Variants in OXNAD1 observed in about 807,000 individuals in gnomAD.
OXNAD1 encodes the protein oxidoreductase NAD-binding domain-containing protein 1.
A neutral mutation model predicts 32.9 loss-of-function variants in OXNAD1; 34 were observed. The observed-to-expected ratio is 1.03, with a 90% CI of 0.79 to 1.38. The LOEUF is 1.38. Ranked by LOEUF, OXNAD1 falls within the 40% of genes most tolerant of loss-of-function variation. The pLI is 0.00. For synonymous variants in OXNAD1, 134 were observed against 135.2 expected, an observed-to-expected ratio of 0.99 and a Z score of 0.06; for missense variants, 407 against 379.4, an observed-to-expected ratio of 1.07 and a Z score of -0.60.
Position 16,294,903 on chromosome 3 carries a change from T to C in OXNAD1, c.338T>C (p.Ile113Thr). ...GTCTCTGTGGTTGGTGGGTTTTCAATATGCTCCAGTCCCAGACTGCTAGAA... is the reference window on the plus strand; with the variant it reads ...GTCTCTGTGGTTGGTGGGTTTTCAACATGCTCCAGTCCCAGACTGCTAGAA... ...PGVSVVGGFS[I>T]CSSPRLLEQE... The change falls in exon 6 of 9, where the codon ATA (isoleucine) becomes ACA (threonine). Residue 113 changes from isoleucine (I) to threonine (T), a missense_variant. Ile to Thr is a moderately conservative substitution (Grantham distance 89). Transcript: ENST00000285083. The C allele has an allele frequency of 6.2e-7, 1 of 1,613,794 alleles. No individual in the cohort carries two copies. The highest frequency in any genetic ancestry group is 8.5e-7 in the Non-Finnish European group (1 of 1,179,778).
At chr3:16,285,677 G>A (rs534212698) in intron 4 of OXNAD1, among the ~76,000 whole-genome samples, 47 of 152,296 alleles carry the variant, frequency 3.1e-4, no homozygotes, top group Admixed American at 9.1e-4. Context: ...CAAATTATCT[G>A]TAGGGAAGGG....
At chr3:16,267,284 C>T (rs2064592623) in intron 1 of OXNAD1, among the ~76,000 whole-genome samples, 1 of 152,118 alleles carries the variant, frequency 6.6e-6, no homozygotes, top group African/African-American at 2.4e-5. Flanking sequence ...CCACTCCTGC[C>T]CCTCTCCCTC....
At chr3:16,269,048 T>C in intron 1 of OXNAD1, 78 bp from the exon 2 acceptor site, 1 of 1,300,360 alleles carries the variant, frequency 7.7e-7, no homozygotes, top group East Asian at 2.9e-5. Flanking sequence ...AATGAGCCTT[T>C]CCTTTGGCAG....
Position 16,285,312 on chromosome 3 carries a change from C to G in OXNAD1, c.184-1030C>G, listed in dbSNP as rs183044296. 6.8e-3 allele frequency among the ~76,000 whole-genome samples: 1,030 copies of G among 152,278 alleles called. 8 individuals are homozygous for G. Among genetic ancestry groups the G allele is most frequent in the Non-Finnish European group, 0.01 (688 of 68,028 alleles). On this transcript the variant is annotated intron_variant, in intron 4 of 8. Coordinates refer to ENST00000285083, the MANE Select transcript of OXNAD1 (RefSeq NM_138381.5). ...TGCATGAGCTAGCATTAGGATGGGA[C>G]GTTCATTGACCTTGACAGATTTCCA...
At chr3:16,338,689 T>C (rs554151794), downstream of OXNAD1, among the ~76,000 whole-genome samples, 1 of 152,380 alleles carries the variant, frequency 6.6e-6, no homozygotes, top group South Asian at 2.1e-4. This position sits in a 1 kb window ranked among gnomAD's most constrained non-coding sequence, Gnocchi z 5.3. Context: ...TTTATTACTC[T>C]CTTTAGACTA....
chr3:16,269,979 G>A (rs1013653251), intron 2 of OXNAD1, among the ~76,000 whole-genome samples: 1 of 152,192 alleles, frequency 6.6e-6, no homozygotes, highest in Non-Finnish European at 1.5e-5. Context: ...AATATCATCT[G>A]ACTCCTAATC....
chr3:16,290,633 G>A lies in OXNAD1; in HGVS notation c.290+4185G>A, dbSNP rs1000898384. Reference sequence around the variant, plus strand: ...AGCAACTGTGTTAACAAATGCTAACGATAGTCTTTTAAATTTTTATCTTGT... The same window carrying A: ...AGCAACTGTGTTAACAAATGCTAACAATAGTCTTTTAAATTTTTATCTTGT... On this transcript the variant is annotated intron_variant, in intron 5 of 8. Transcript: ENST00000285083. This position sits in a 1 kb window ranked among gnomAD's most constrained non-coding sequence, Gnocchi z 4.2. 1.3e-5 allele frequency among the ~76,000 whole-genome samples: 2 copies of A among 152,198 alleles called. No individual in the cohort carries two copies. Among genetic ancestry groups the A allele is most frequent in the African/African-American group, 2.4e-5 (1 of 41,442 alleles).
chr3:16,292,414 A>C (rs1034695027), intron 5 of OXNAD1, among the ~76,000 whole-genome samples: 6 of 152,076 alleles, frequency 3.9e-5, no homozygotes, highest in Admixed American at 3.9e-4. Context: ...GCTGGTCTCG[A>C]ACTCCTGACC....
intron 2 of OXNAD1, among the ~76,000 whole-genome samples, chr3:16,269,986 A>C (rs1460875448): frequency 6.6e-6 from 1 of 152,240 alleles, no homozygotes; most frequent in Non-Finnish European, 1.5e-5. Context: ...TCTGACTCCT[A>C]ATCAGTGCTT....
rs774600242 is a variant in OXNAD1, at chr3:16,286,405, T to C, written c.247T>C (p.Leu83=). The change falls in exon 5 of 9, where the codon TTG becomes CTG. Residue 83 remains leucine (L), a synonymous_variant. Transcript: ENST00000285083. ...GTCACCGTCAGTGAAGAGCCTCCGC[T>C]TGCTTGTTGCTGATCAAGACTTTTC... ...SESPSVKSLR[L]LVADQDFSFK... The C allele has an allele frequency of 2.5e-6, 4 of 1,613,942 alleles. No individual in the cohort carries two copies. The South Asian group carries it at 3.3e-5, about 13-fold the overall frequency.
Position 16,301,573 on chromosome 3 carries a change from G to C in OXNAD1, c.433-53G>C. On this transcript the variant is annotated intron_variant, in intron 6 of 8. Coordinates refer to ENST00000285083, the MANE Select transcript of OXNAD1 (RefSeq NM_138381.5). The surrounding 1 kb of genome is among the most constrained non-coding windows in gnomAD (Gnocchi z 4.1). ...CCAGTTTTATTAAAGTAGAACATTT[G>C]GTTTAAGACCTTTGCTACAAAAGAC... 6.3e-7 allele frequency: 1 copy of C among 1,592,220 alleles called. No homozygotes were observed. Among genetic ancestry groups the C allele is most frequent in the South Asian group, 1.1e-5 (1 of 89,142 alleles).
rs1240720804 is a variant in OXNAD1, at chr3:16,284,276, CAA to C, written c.184-2064_184-2063del. Among the ~76,000 whole-genome samples, 1 of 152,132 alleles carries C rather than the reference CAA, an allele frequency of 6.6e-6. No homozygotes were observed. Among genetic ancestry groups the C allele is most frequent in the Non-Finnish European group, 1.5e-5 (1 of 68,024 alleles). ...AATAAAATGTAATATATAATGTAAA[CAA>C]ATGCTAATTAATTTTAATTAAGACA... On this transcript the variant is annotated intron_variant, in intron 4 of 8. Transcript: ENST00000285083. This position sits in a 1 kb window ranked among gnomAD's most constrained non-coding sequence, Gnocchi z 4.1.
At chr3:16,324,713 T>TTCTC (rs10677895) in intron 9 of OXNAD1, among the ~76,000 whole-genome samples, 1 of 144,608 alleles carries the variant, frequency 6.9e-6, no homozygotes, top group Admixed American at 7.0e-5. Context: ...CACATTTTCT[T>TTCTC]CATCCATCTG....
Position 16,287,458 on chromosome 3 carries a change from C to T in OXNAD1, c.290+1010C>T, listed in dbSNP as rs1327327170. Among the ~76,000 whole-genome samples, 1 of 152,202 alleles carries T rather than the reference C, an allele frequency of 6.6e-6. No homozygotes were observed. On this transcript the variant is annotated intron_variant, in intron 5 of 8. Coordinates refer to ENST00000285083, the MANE Select transcript of OXNAD1 (RefSeq NM_138381.5). The surrounding 1 kb of genome is among the most constrained non-coding windows in gnomAD (Gnocchi z 4.8). Reference sequence around the variant, plus strand: ...GAAGCAATTTACTGCAATCTTTGCACATGTTCGATGATACACATTAAATGC... The same window carrying T: ...GAAGCAATTTACTGCAATCTTTGCATATGTTCGATGATACACATTAAATGC...
Position 16,273,705 on chromosome 3 carries a change from C to G in OXNAD1, c.183+1983C>G, listed in dbSNP as rs564264323. Among the ~76,000 whole-genome samples, 4 of 152,226 alleles carry G rather than the reference C, an allele frequency of 2.6e-5. No homozygotes were observed. In the South Asian group the frequency reaches 6.2e-4, roughly 24 times the overall value. Reference sequence around the variant, plus strand: ...CACCTGGCCAGTATTTTCTTTTTAACAGATGAAAAGACTAAGAATCGGACT... The same window carrying G: ...CACCTGGCCAGTATTTTCTTTTTAAGAGATGAAAAGACTAAGAATCGGACT... On this transcript the variant is annotated intron_variant, in intron 4 of 8. Coordinates refer to ENST00000285083, the MANE Select transcript of OXNAD1 (RefSeq NM_138381.5).
chr3:16,276,928 T>TC (rs1201750752), intron 4 of OXNAD1, among the ~76,000 whole-genome samples: 5 of 137,218 alleles, frequency 3.6e-5, no homozygotes, highest in African/African-American at 1.3e-4. Flanking sequence ...TTTCTTTCTT[T>TC]TTTTTTTTTT....
downstream of OXNAD1, among the ~76,000 whole-genome samples, chr3:16,340,791 A>G (rs1267130911): frequency 6.6e-6 from 1 of 152,218 alleles, no homozygotes; most frequent in African/African-American, 2.4e-5. Flanking sequence ...TTCAAGGTGA[A>G]GTCAAAGGTG....
intron 9 of OXNAD1, among the ~76,000 whole-genome samples, chr3:16,324,186 G>A (rs1418650956): frequency 2.0e-5 from 3 of 152,058 alleles, no homozygotes; most frequent in African/African-American, 7.2e-5. Context: ...TATATTTATG[G>A]GGTAGAGTGT....
chr3:16,303,684 C>A lies in OXNAD1; in HGVS notation c.*122C>A. On this transcript the variant is annotated 3_prime_UTR_variant, in exon 9 of 9. Transcript: ENST00000285083. The surrounding 1 kb of genome is among the most constrained non-coding windows in gnomAD (Gnocchi z 4.8). ...TTGTCTTATTTTTTAAGGCTATAAA[C>A]TTAGTGACCAGCTGGATAATAAAAG... 1 of 1,100,272 alleles carries A rather than the reference C, an allele frequency of 9.1e-7. No homozygotes were observed. The highest frequency in any genetic ancestry group is 1.2e-6 in the Non-Finnish European group (1 of 812,826). The allele number at this position is 1,100,272 out of a possible 1,614,324, so 68.2% of individuals were successfully genotyped here.
Sources: allele counts gnomAD v4.1 joint callset (sites outside exome capture counted in the v4.1 genomes callset), GRCh38; gene constraint gnomAD v4.1.1; non-coding constraint Gnocchi (gnomAD v3.1); transcripts MANE v1.5; gene names NCBI Gene and HGNC (gene_info 2026-07-23, HGNC 2026-07-21).